The following DTD1 variants were observed in gnomAD, a reference collection of about 807,000 sequenced individuals.
DTD1 encodes D-aminoacyl-tRNA deacylase 1.
DTD1 carries 13 observed loss-of-function variants against 25.6 expected under a neutral mutation model. That is an observed-to-expected ratio of 0.51 (90% CI 0.33 to 0.81). DTD1 has a LOEUF of 0.81. DTD1 is among the 30% of genes least tolerant of loss of function. DTD1 has a pLI of 0.02. For missense variants in DTD1, 193 were observed against 266.4 expected (o/e 0.72, Z 1.92); for synonymous variants, 110 against 103.6 (o/e 1.06, Z -0.37).
intron 5 of DTD1, among the ~76,000 whole-genome samples, chr20:18,755,613 T>G (rs1191400721): frequency 2.0e-5 from 3 of 152,260 alleles, no homozygotes; most frequent in Non-Finnish European, 4.4e-5. Context: ...TCATTTTTTA[T>G]GGTTGCATAG....
intron 3 of DTD1, among the ~76,000 whole-genome samples, chr20:18,619,895 T>A (rs542827647): frequency 6.6e-6 from 1 of 152,342 alleles, no homozygotes; most frequent in South Asian, 2.1e-4. Context: ...CTTTACTAAC[T>A]GAGTTTCTGG....
chr20:18,645,601 A>C (rs573018063), intron 4 of DTD1, among the ~76,000 whole-genome samples: 2 of 152,372 alleles, frequency 1.3e-5, no homozygotes, highest in African/African-American at 4.8e-5. Context: ...GTGGAATACT[A>C]TACAAAGGAA....
chr20:18,656,535 C>T (rs1171092121), intron 4 of DTD1, among the ~76,000 whole-genome samples: 1 of 152,162 alleles, frequency 6.6e-6, no homozygotes, highest in East Asian at 1.9e-4. Flanking sequence ...TGCTCATGTT[C>T]CCATTCAGTT....
At chr20:18,697,785 C>A (rs369328538) in intron 4 of DTD1, among the ~76,000 whole-genome samples, 8 of 152,184 alleles carry the variant, frequency 5.3e-5, no homozygotes, top group African/African-American at 1.7e-4. Flanking sequence ...CTTAGGTTCA[C>A]GCCATTCTCC....
intron 3 of DTD1, among the ~76,000 whole-genome samples, chr20:18,596,728 C>CT (rs1465192330): frequency 6.2e-5 from 9 of 145,294 alleles, no homozygotes; most frequent in African/African-American, 2.2e-4. Flanking sequence ...AGTTTACATT[C>CT]TCTTTTTTTT....
intron 4 of DTD1, among the ~76,000 whole-genome samples, chr20:18,682,995 A>G (rs190846719): frequency 1.3e-5 from 2 of 152,318 alleles, no homozygotes; most frequent in Non-Finnish European, 2.9e-5. Flanking sequence ...ATTATGAGGA[A>G]AACAGTTTAC....
chr20:18,751,447 T>G (rs1474285039), intron 5 of DTD1, among the ~76,000 whole-genome samples: 2 of 152,126 alleles, frequency 1.3e-5, no homozygotes, highest in Non-Finnish European at 2.9e-5. Flanking sequence ...ACTTTACATA[T>G]GTGATACTCA....
chr20:18,593,970 C>T (rs185707400), intron 2 of DTD1, 149 bp downstream of exon 2: 29 of 667,708 alleles, frequency 4.3e-5, no homozygotes, highest in Admixed American at 1.5e-4. Context: ...CTCCGTGTTT[C>T]AGAGAAGACC....
At chr20:18,618,489 G>T (rs1239471967) in intron 3 of DTD1, among the ~76,000 whole-genome samples, 2 of 150,556 alleles carry the variant, frequency 1.3e-5, no homozygotes, top group Admixed American at 1.3e-4. Flanking sequence ...TGAGTAGCTG[G>T]GGCCACAGGC....
At chr20:18,699,669 A>G (rs904329793) in intron 4 of DTD1, among the ~76,000 whole-genome samples, 1 of 152,202 alleles carries the variant, frequency 6.6e-6, no homozygotes, top group African/African-American at 2.4e-5. Flanking sequence ...CTAGAAGGGC[A>G]GCTCCATGCT....
intron 4 of DTD1, among the ~76,000 whole-genome samples, chr20:18,644,034 A>G (rs1374284901): frequency 2.0e-5 from 3 of 152,172 alleles, no homozygotes; most frequent in African/African-American, 7.2e-5. Context: ...ATTCTGTCCT[A>G]TGAATATACT....
At chr20:18,758,845 G>T (rs1024878831) in intron 5 of DTD1, among the ~76,000 whole-genome samples, 24 of 152,118 alleles carry the variant, frequency 1.6e-4, no homozygotes, top group Admixed American at 6.5e-5. Flanking sequence ...CTGTCTCGTT[G>T]ATCTGTCTAA....
chr20:18,599,243 C>T (rs559261235), intron 3 of DTD1, among the ~76,000 whole-genome samples: 5 of 151,446 alleles, frequency 3.3e-5, no homozygotes, highest in African/African-American at 1.2e-4. Flanking sequence ...GGTGTGATCT[C>T]GGCTCACTGC....
Position 18,694,981 on chromosome 20 carries a change from G to A in DTD1, c.478-49119G>A, listed in dbSNP as rs188807901. On this transcript the variant is annotated intron_variant, in intron 4 of 5. Coordinates refer to ENST00000377452, the MANE Select transcript of DTD1 (RefSeq NM_080820.6). ...CATGATCAAGTTAAAAACGCCCGAC[G>A]TATAGTATATGTGCCAATAGATTCC... is the stretch of plus-strand genomic sequence containing the variant. Among the ~76,000 whole-genome samples, 6 of 152,184 alleles carry A rather than the reference G, an allele frequency of 3.9e-5. No homozygotes were observed. In the South Asian group the frequency reaches 6.2e-4, roughly 16 times the overall value.
At position 18,626,641 on chromosome 20, in the gene DTD1, C is replaced by T. The variant is rs577902021; in HGVS notation, c.371-1486C>T. Among the ~76,000 whole-genome samples the T allele has an allele frequency of 1.6e-4, 25 of 151,978 alleles. No individual in the cohort carries two copies. The South Asian group carries it at 4.6e-3, about 28-fold the overall frequency. On this transcript the variant is annotated intron_variant, in intron 3 of 5. Transcript: ENST00000377452. ...TCTGGTTAGTATAATTCTTTTTGGG[C>T]GCTTTACCCTTTGATCTGGACTGGA...
chr20:18,629,027 G>C (rs981411939), intron 4 of DTD1, among the ~76,000 whole-genome samples: 12 of 124,270 alleles, frequency 9.7e-5, no homozygotes, highest in Non-Finnish European at 1.6e-4. Flanking sequence ...ATGGAGTCTC[G>C]CTCTTGTTGC....
At chr20:18,744,557 A>T (rs2061292235) in intron 5 of DTD1, among the ~76,000 whole-genome samples, 1 of 149,472 alleles carries the variant, frequency 6.7e-6, no homozygotes, top group Non-Finnish European at 1.5e-5. Context: ...TGAAGGCAAA[A>T]GGCATTTCTT....
intron 4 of DTD1, among the ~76,000 whole-genome samples, chr20:18,669,607 G>A (rs745660373): frequency 7.2e-5 from 11 of 152,046 alleles, no homozygotes; most frequent in Non-Finnish European, 1.3e-4. Context: ...TCGACTGAGC[G>A]CTTGCTCTGC....
chr20:18,738,230 G>A (rs139235037), intron 4 of DTD1, among the ~76,000 whole-genome samples: 58 of 152,324 alleles, frequency 3.8e-4, no homozygotes, highest in African/African-American at 6.0e-4. Flanking sequence ...GGGGTTTGGC[G>A]TCTGGAGGCC....
Sources: allele counts gnomAD v4.1 joint callset (sites outside exome capture counted in the v4.1 genomes callset), GRCh38; gene constraint gnomAD v4.1.1; transcripts MANE v1.5; gene names NCBI Gene and HGNC (gene_info 2026-07-23, HGNC 2026-07-21).